The following C2CD2 variants were observed in gnomAD, a reference collection of about 807,000 sequenced individuals.
The protein encoded by C2CD2 is C2 calcium dependent domain containing 2.
C2CD2 carries 43 observed loss-of-function variants against 74.3 expected under a neutral mutation model. That is an observed-to-expected ratio of 0.58 (90% CI 0.45 to 0.75). The LOEUF (loss-of-function observed/expected upper bound fraction) is 0.75. Ranked by LOEUF, C2CD2 falls within the 30% of genes least tolerant of loss-of-function variation. C2CD2 has a pLI of 0.00. For missense variants in C2CD2, 801 were observed against 916.3 expected (o/e 0.87, Z 1.63); for synonymous variants, 422 against 390.7 (o/e 1.08, Z -0.94).
intron 5 of C2CD2, among the ~76,000 whole-genome samples, chr21:41,916,122 G>A (rs1292380679): frequency 6.6e-6 from 1 of 152,158 alleles, no homozygotes; most frequent in Non-Finnish European, 1.5e-5. Context: ...AGGAATTGCC[G>A]AAATCCCTGA....
chr21:41,890,068 C>T (rs28563773), intron 13 of C2CD2, among the ~76,000 whole-genome samples: 6,303 of 152,244 alleles, frequency 0.041, 223 homozygotes, highest in Middle Eastern at 0.099. Flanking sequence ...CAAAGCAGTA[C>T]TATGTCCCAG....
At chr21:41,919,044 A>ATG in intron 3 of C2CD2, 84 bp from the exon 4 acceptor site, 2 of 939,214 alleles carry the variant, frequency 2.1e-6, no homozygotes, top group Non-Finnish European at 3.4e-6. Context: ...CTGTGTGAGC[A>ATG]TGTGTGTGTG....
At chr21:41,944,383 G>A (rs996301345) in intron 1 of C2CD2, among the ~76,000 whole-genome samples, 1 of 151,878 alleles carries the variant, frequency 6.6e-6, no homozygotes, top group East Asian at 1.9e-4. Context: ...TTAGCCAGGC[G>A]TGGTGGCAGG....
intron 4 of C2CD2, 85 bp from the exon 5 acceptor site, chr21:41,918,312 A>G (rs980536564): frequency 5.0e-6 from 7 of 1,410,232 alleles, no homozygotes; most frequent in Non-Finnish European, 5.8e-6. Context: ...GACTAAAACC[A>G]TGCAAAGTAG....
chr21:41,888,851 C>T lies in C2CD2; in HGVS notation c.*273G>A. On this transcript the variant is annotated 3_prime_UTR_variant, in exon 14 of 14. Transcript: ENST00000380486. Reference sequence around the variant, plus strand: ...ATGTTAATCTCCTTCTAATATTGAACCCTAACCCTTAGCTATGAGCACAGC... The same window carrying T: ...ATGTTAATCTCCTTCTAATATTGAATCCTAACCCTTAGCTATGAGCACAGC... 1 of 531,908 alleles carries T rather than the reference C, an allele frequency of 1.9e-6. No homozygotes were observed. Among genetic ancestry groups the T allele is most frequent in the Non-Finnish European group, 3.4e-6 (1 of 295,206 alleles). The allele number at this position is 531,908 out of a possible 1,614,324, so 32.9% of individuals were successfully genotyped here. A position where few individuals can be genotyped will look rare whatever the true frequency, so the allele number is the denominator to read the frequency against.
intron 7 of C2CD2, among the ~76,000 whole-genome samples, chr21:41,910,899 C>A (rs546867736): frequency 3.3e-5 from 5 of 152,184 alleles, no homozygotes; most frequent in Non-Finnish European, 5.9e-5. Context: ...AGTCCTGATA[C>A]GCAGTCATAT....
Position 41,914,628 on chromosome 21 carries a change from C to A in C2CD2, c.814G>T (p.Val272Phe). The change falls in exon 6 of 14, where the codon GTC becomes TTC. Residue 272 changes from valine to phenylalanine, a missense_variant. Transcript: ENST00000380486. ...GCACCGGGCTCGCTGAGCAGCAAGA[C>A]GTGGATGTTCCTCACCAGTAGCTTC... is the stretch of plus-strand genomic sequence containing the variant. The part of the protein sequence containing the change: ...ELKLLVRNIH[V>F]LLLSEPGASG... 6.2e-7 allele frequency: 1 copy of A among 1,613,896 alleles called. No homozygotes were observed. Among genetic ancestry groups the A allele is most frequent in the Middle Eastern group, 1.7e-4 (1 of 6,052 alleles).
At chr21:41,900,095 C>A (rs1041271190) in intron 12 of C2CD2, among the ~76,000 whole-genome samples, 1 of 152,072 alleles carries the variant, frequency 6.6e-6, no homozygotes, top group African/African-American at 2.4e-5. Context: ...TAGATAATCT[C>A]CCCGTCTCTA....
intron 13 of C2CD2, chr21:41,894,796 A>G (rs1247479829): frequency 6.6e-6 from 3 of 456,784 alleles, no homozygotes; most frequent in Admixed American, 2.3e-5. Context: ...CCTTTGGGGT[A>G]AACGATGCAG....
intron 2 of C2CD2, among the ~76,000 whole-genome samples, chr21:41,933,285 T>C (rs541478754): frequency 1.5e-5 from 2 of 135,990 alleles, no homozygotes; most frequent in South Asian, 4.7e-4. Context: ...TCTCAAGAAT[T>C]ATGCCCAGCT....
chr21:41,949,438 G>A (rs977720622), intron 1 of C2CD2, among the ~76,000 whole-genome samples: 2 of 152,144 alleles, frequency 1.3e-5, no homozygotes, highest in African/African-American at 4.8e-5. Context: ...ATGGGAATTA[G>A]GGGTCTGCAA....
At chr21:41,897,394 A>G (rs2064836456) in intron 13 of C2CD2, among the ~76,000 whole-genome samples, 1 of 152,178 alleles carries the variant, frequency 6.6e-6, no homozygotes, top group African/African-American at 2.4e-5. Context: ...CGCTTCGCCC[A>G]GCACTCACTG....
chr21:41,922,023 C>G lies in C2CD2; in HGVS notation c.441G>C (p.Leu147Phe), dbSNP rs1278196512. ...IQFLVSETPA[L>F]GAGCRLYDMR... ...TGTCGTACAGCCGGCATCCAGCACC[C>G]AAGGCAGGCGTCTCGCTGACCAAGA... is the stretch of plus-strand genomic sequence containing the variant. The change falls in exon 3 of 14, where the codon TTG becomes TTC. Residue 147 changes from leucine (L) to phenylalanine (F), a missense_variant. Leu to Phe is a conservative substitution (Grantham distance 22, BLOSUM62 0). Transcript: ENST00000380486. 4 of 1,614,024 alleles carry G rather than the reference C, an allele frequency of 2.5e-6. No individual in the cohort carries two copies. The highest frequency in any genetic ancestry group is 1.6e-4 in the Middle Eastern group (1 of 6,084).
intron 2 of C2CD2, among the ~76,000 whole-genome samples, chr21:41,931,425 T>C (rs1471285287): frequency 4.3e-5 from 2 of 46,490 alleles, no homozygotes; most frequent in Non-Finnish European, 1.3e-4. Context: ...GAGAAGAGTG[T>C]CTTTTTTTTT....
chr21:41,939,550 G>A lies in C2CD2; in HGVS notation c.378+2597C>T, dbSNP rs1006896196. Among the ~76,000 whole-genome samples the A allele has an allele frequency of 1.1e-4, 16 of 152,182 alleles. No homozygotes were observed. The highest frequency in any genetic ancestry group is 3.9e-4 in the African/African-American group (16 of 41,438). The stretch of plus-strand genomic sequence containing the variant: ...CGGGCTCCAGGAGGGCAGGCCCACG[G>A]CTCTCTGCACCTCAGCTCCCAAGAG... On this transcript the variant is annotated intron_variant, in intron 2 of 13. Transcript: ENST00000380486. This position sits in a 1 kb window ranked among gnomAD's most constrained non-coding sequence, Gnocchi z 5.5.
intron 13 of C2CD2, among the ~76,000 whole-genome samples, chr21:41,890,223 C>T (rs944845071): frequency 6.6e-6 from 1 of 152,056 alleles, no homozygotes; most frequent in Admixed American, 6.5e-5. Flanking sequence ...TAGGCTATGC[C>T]ATCTGAAGTT....
chr21:41,895,878 T>A lies in C2CD2; in HGVS notation c.1870+3175A>T, dbSNP rs559410493. Among the ~76,000 whole-genome samples, 2 of 152,194 alleles carry A rather than the reference T, an allele frequency of 1.3e-5. No individual in the cohort carries two copies. Among genetic ancestry groups the A allele is most frequent in the African/African-American group, 4.8e-5 (2 of 41,536 alleles). Reference sequence around the variant, plus strand: ...TTGGCTTCCCAAGAACAGCATCGGATTTCAACTGGAACCACAGATGGTCCG... The same window carrying A: ...TTGGCTTCCCAAGAACAGCATCGGAATTCAACTGGAACCACAGATGGTCCG... On this transcript the variant is annotated intron_variant, in intron 13 of 13. Coordinates refer to ENST00000380486, the MANE Select transcript of C2CD2 (RefSeq NM_015500.2). This position sits in a 1 kb window ranked among gnomAD's most constrained non-coding sequence, Gnocchi z 5.0.
At chr21:41,925,820 A>G (rs552027584) in intron 2 of C2CD2, among the ~76,000 whole-genome samples, 1 of 152,166 alleles carries the variant, frequency 6.6e-6, no homozygotes, top group Non-Finnish European at 1.5e-5. Flanking sequence ...TAGCCTTCCT[A>G]AGTGGCCAGA....
rs945555509 is a variant in C2CD2, at chr21:41,913,632, C to A, written c.844+966G>T. Among the ~76,000 whole-genome samples, 8 of 152,360 alleles carry A rather than the reference C, an allele frequency of 5.3e-5. No homozygotes were observed. The South Asian group carries it at 8.3e-4, about 16-fold the overall frequency. ...TCCTCAACAGCTAGCTCTGCACAGTCTCAGTTGCTAGATGTGGCCCATTTG... is the reference window on the plus strand; with the variant it reads ...TCCTCAACAGCTAGCTCTGCACAGTATCAGTTGCTAGATGTGGCCCATTTG... On this transcript the variant is annotated intron_variant, in intron 6 of 13. Transcript: ENST00000380486.
Sources: gnomAD v4.1 joint callset for allele counts (sites outside exome capture counted in the v4.1 genomes callset) on GRCh38, gnomAD v4.1.1 for gene constraint, Gnocchi (gnomAD v3.1) non-coding constraint, MANE v1.5 for transcripts, NCBI Gene and HGNC (gene_info 2026-07-23, HGNC 2026-07-21) for gene names.